Variants in STAT5B observed in about 807,000 individuals in gnomAD.
The protein encoded by STAT5B is transcription factor STAT5B.
In STAT5B, 21 loss-of-function variants were observed where a neutral mutation model predicts 107.8. That is an observed-to-expected ratio of 0.19 (90% CI 0.14 to 0.28). The LOEUF (loss-of-function observed/expected upper bound fraction) is 0.28, where lower values mean the gene tolerates loss of function less well. Among genes scored for constraint, STAT5B ranks in the 10% least tolerant of loss-of-function variants. The pLI, the probability that STAT5B is intolerant of heterozygous loss-of-function variation, is 1.00. For missense variants in STAT5B, 565 were observed against 1,008.2 expected, an observed-to-expected ratio of 0.56 and a Z score of 5.95; for synonymous variants, 325 against 401.7, an observed-to-expected ratio of 0.81 and a Z score of 2.28.
chr17:42,262,738 G>A (rs2080610086), intron 1 of STAT5B, among the ~76,000 whole-genome samples: 1 of 113,382 alleles, frequency 8.8e-6, no homozygotes, highest in Admixed American at 8.0e-5. Context: ...TAACTTAGCA[G>A]AGTGTGTATA....
At chr17:42,248,126 A>C (rs961196832) in intron 1 of STAT5B, among the ~76,000 whole-genome samples, 3 of 151,940 alleles carry the variant, frequency 2.0e-5, no homozygotes, top group Non-Finnish European at 4.4e-5. Context: ...AAAATTTACA[A>C]ATTAGCCCAG....
rs776333900 is a variant in STAT5B, at chr17:42,212,026, C to T, written c.1638G>A (p.Glu546=). 6.2e-7 allele frequency: 1 copy of T among 1,613,942 alleles called. No homozygotes were observed. Among genetic ancestry groups the T allele is most frequent in the Non-Finnish European group, 8.5e-7 (1 of 1,179,916 alleles). The change falls in exon 13 of 19, where the codon GAG becomes GAA. Residue 546 remains glutamate (E), a synonymous_variant. Coordinates refer to ENST00000293328, the MANE Select transcript of STAT5B (RefSeq NM_012448.4). ...AGGACACAGACAGGCCACTGTAGTCCTCCAGGTGGCTGCTGCTGTTGTTGA... is the reference window on the plus strand; with the variant it reads ...AGGACACAGACAGGCCACTGTAGTCTTCCAGGTGGCTGCTGCTGTTGTTGA... The part of the protein sequence containing the change: ...KLFNNSSSHL[E]DYSGLSVSWS...
In STAT5B at chr17:42,201,407, C is replaced by T. The variant is rs75341760; in HGVS notation, c.*331G>A. ...ACACATGGCCAACTTCCAGGCTTCA[C>T]GAAACTCACTGCCTTTTTGCACAAA... On this transcript the variant is annotated 3_prime_UTR_variant, in exon 19 of 19. Coordinates refer to ENST00000293328, the MANE Select transcript of STAT5B (RefSeq NM_012448.4). The T allele has an allele frequency of 1.3e-3, 768 of 596,054 alleles. 4 individuals are homozygous for T. The highest frequency in any genetic ancestry group is 0.012 in the African/African-American group (669 of 53,852). The allele number at this position is 596,054 out of a possible 1,614,324, so 36.9% of individuals were successfully genotyped here.
intron 1 of STAT5B, among the ~76,000 whole-genome samples, chr17:42,242,731 GC>G (rs1388392988): frequency 1.3e-5 from 2 of 152,026 alleles, no homozygotes. Flanking sequence ...ACTTTGGGAG[GC>G]CAAGCCCAGA....
intron 1 of STAT5B, among the ~76,000 whole-genome samples, chr17:42,274,190 G>T (rs2080744242): frequency 7.2e-6 from 1 of 138,342 alleles, no homozygotes; most frequent in Non-Finnish European, 1.5e-5. Flanking sequence ...ATATAGCAAA[G>T]ATTATTTTGT....
chr17:42,263,923 G>C (rs980374349), intron 1 of STAT5B, among the ~76,000 whole-genome samples: 1 of 148,048 alleles, frequency 6.8e-6, no homozygotes, highest in Non-Finnish European at 1.5e-5. Flanking sequence ...GGAACTCCAC[G>C]ACCCAGAAGA....
chr17:42,205,260 AC>A lies in STAT5B; in HGVS notation c.2077+2297del, dbSNP rs1402944399. ...TGGCCAGGCTGGTCTCAAACTCCTGACCTCAAGTGATCCACCTGCCTTGGCC... is the reference window on the plus strand; with the variant it reads ...TGGCCAGGCTGGTCTCAAACTCCTGACTCAAGTGATCCACCTGCCTTGGCC... On this transcript the variant is annotated intron_variant, in intron 16 of 18. Transcript: ENST00000293328. Among the ~76,000 whole-genome samples the A allele has an allele frequency of 2.0e-5, 3 of 151,596 alleles. No homozygotes were observed. The East Asian group carries it at 5.8e-4, about 30-fold the overall frequency.
chr17:42,207,348 G>T (rs910053960), intron 16 of STAT5B, among the ~76,000 whole-genome samples: 2 of 151,896 alleles, frequency 1.3e-5, no homozygotes, highest in East Asian at 1.9e-4. Flanking sequence ...TGATATTTGG[G>T]GTTAGTGGTA....
At chr17:42,239,349 C>T (rs1251102967) in intron 1 of STAT5B, among the ~76,000 whole-genome samples, 1 of 151,678 alleles carries the variant, frequency 6.6e-6, no homozygotes, top group East Asian at 1.9e-4. Flanking sequence ...CATGCCTTTA[C>T]CTATTCCTTC....
chr17:42,268,510 G>A (rs186890855), intron 1 of STAT5B: 12 of 152,012 alleles, frequency 7.9e-5, no homozygotes, highest in South Asian at 2.1e-4. Context: ...CTATAGTTAC[G>A]TAACAATAAC....
chr17:42,261,563 T>G (rs1358883686), intron 1 of STAT5B, among the ~76,000 whole-genome samples: 3 of 152,062 alleles, frequency 2.0e-5, no homozygotes, highest in African/African-American at 7.2e-5. Flanking sequence ...TTTTTTATTT[T>G]TATTTATTTA....
intron 1 of STAT5B, among the ~76,000 whole-genome samples, chr17:42,262,827 T>C (rs538324657): frequency 8.0e-6 from 1 of 124,902 alleles, no homozygotes; most frequent in African/African-American, 3.1e-5. Flanking sequence ...TATATATGTG[T>C]ATATATACAC....
chr17:42,251,929 G>A (rs1044149578), intron 1 of STAT5B, among the ~76,000 whole-genome samples: 1 of 151,408 alleles, frequency 6.6e-6, no homozygotes, highest in Non-Finnish European at 1.5e-5. Context: ...AACCCAGGAG[G>A]TGGAGGTTGC....
At chr17:42,229,068 A>G (rs981635403) in intron 2 of STAT5B, among the ~76,000 whole-genome samples, 4 of 152,220 alleles carry the variant, frequency 2.6e-5, no homozygotes, top group African/African-American at 9.6e-5. Context: ...ATTAAATAGA[A>G]TACGTATTAA....
intron 1 of STAT5B, among the ~76,000 whole-genome samples, chr17:42,233,307 C>T (rs1278926726): frequency 3.3e-5 from 5 of 152,134 alleles, no homozygotes; most frequent in Non-Finnish European, 7.3e-5. Flanking sequence ...ATGCTTTGCA[C>T]ACAAAGAGCA....
Position 42,201,634 on chromosome 17 carries a change from T to C in STAT5B, c.*104A>G. 2.3e-6 allele frequency: 2 copies of C among 865,222 alleles called. No homozygotes were observed. Among genetic ancestry groups the C allele is most frequent in the African/African-American group, 1.7e-5 (1 of 60,296 alleles). The allele number at this position is 865,222 out of a possible 1,614,324, so 53.6% of individuals were successfully genotyped here. The stretch of plus-strand genomic sequence containing the variant: ...CACAACTAGTATTAACACTTCACAT[T>C]ATGAGTATTGTTTCAAAAGAGAAGC... On this transcript the variant is annotated 3_prime_UTR_variant, in exon 19 of 19. Coordinates refer to ENST00000293328, the MANE Select transcript of STAT5B (RefSeq NM_012448.4).
chr17:42,207,631 G>A lies in STAT5B; in HGVS notation c.2004C>T (p.Tyr668=), dbSNP rs147503881. 1.1e-4 allele frequency: 170 copies of A among 1,614,060 alleles called. No individual in the cohort carries two copies. Among genetic ancestry groups the A allele is most frequent in the East Asian group, 4.5e-4 (20 of 44,870 alleles). The change falls in exon 16 of 19, where the codon TAC becomes TAT. Residue 668 remains tyrosine, a synonymous_variant. Transcript: ENST00000293328. ...CATCTTTTGGCCGATCAGGAAACAC[G>A]TAGATAAGGTAATTCAAGTCTCCCA... ...DRLGDLNYLI[Y]VFPDRPKDEV...
rs1469430060 is a variant in STAT5B, at chr17:42,262,989, TATATATATATATATATATATATATATAA to T, written c.-11+13231_-11+13258del. Among the ~76,000 whole-genome samples the T allele has an allele frequency of 6.5e-3, 351 of 53,714 alleles. 22 individuals are homozygous for T. The highest frequency in any genetic ancestry group is 0.027 in the African/African-American group (282 of 10,328). The allele number at this position is 53,714 out of a possible 152,430, so 35.2% of individuals were successfully genotyped here. On this transcript the variant is annotated intron_variant, in intron 1 of 18. Coordinates refer to ENST00000293328, the MANE Select transcript of STAT5B (RefSeq NM_012448.4). ...GTGTGTGTATATATATATATATATA[TATATATATATATATATATATATATATAA>T]AAAAACAAAAACAATTTTTTTTTTT...
chr17:42,211,939 T>C (rs1043713070), intron 13 of STAT5B, 45 bp downstream of exon 13: 5 of 1,572,204 alleles, frequency 3.2e-6, no homozygotes, highest in Middle Eastern at 3.3e-4. Context: ...GAGCATCTGG[T>C]TGGGAAGGAC....
Sources: gnomAD v4.1 joint callset for allele counts (sites outside exome capture counted in the v4.1 genomes callset) on GRCh38, gnomAD v4.1.1 for gene constraint, MANE v1.5 for transcripts, NCBI Gene and HGNC (gene_info 2026-07-23, HGNC 2026-07-21) for gene names.